The following VPS54 variants were observed in gnomAD, a reference collection of about 807,000 sequenced individuals.
VPS54 encodes the protein vacuolar protein sorting-associated protein 54.
In VPS54, 45 loss-of-function variants were observed where a neutral mutation model predicts 121.5. The observed-to-expected ratio is 0.37, with a 90% CI of 0.29 to 0.47. The LOEUF (loss-of-function observed/expected upper bound fraction) is 0.47. Among genes scored for constraint, VPS54 ranks in the 20% least tolerant of loss-of-function variants. The probability of loss-of-function intolerance (pLI) is 0.99; values close to 1 mark genes in which losing one functional copy is unlikely to be tolerated. For missense variants in VPS54, 1,090 were observed against 1,131.4 expected (o/e 0.96, Z 0.52); for synonymous variants, 371 against 385.8 (o/e 0.96, Z 0.45).
At chr2:63,963,024 CT>C (rs1338767298) in intron 6 of VPS54, among the ~76,000 whole-genome samples, 1 of 152,078 alleles carries the variant, frequency 6.6e-6, no homozygotes, top group Non-Finnish European at 1.5e-5. Context: ...ATATCTCTGA[CT>C]GAAAAACTGA....
intron 5 of VPS54, among the ~76,000 whole-genome samples, chr2:63,966,649 G>C (rs1415351978): frequency 6.6e-6 from 1 of 152,086 alleles, no homozygotes; most frequent in East Asian, 1.9e-4. Flanking sequence ...AAGTATAACT[G>C]TATTAACTTC....
Position 63,941,429 on chromosome 2 carries a change from G to C in VPS54, c.1398+1036C>G, listed in dbSNP as rs536521658. ...TTTTGTAGAGATGAGGTCTCATTAT[G>C]TTGCCCAAGCTGGTCTCAAACTCCT... On this transcript the variant is annotated intron_variant, in intron 11 of 22. Transcript: ENST00000272322. Among the ~76,000 whole-genome samples the C allele has an allele frequency of 2.5e-4, 38 of 152,186 alleles. No individual in the cohort carries two copies. In the Middle Eastern group the frequency reaches 0.01, roughly 41 times the overall value.
At chr2:63,978,710 C>T (rs969972203) in intron 3 of VPS54, among the ~76,000 whole-genome samples, 2 of 152,158 alleles carry the variant, frequency 1.3e-5, no homozygotes, top group Non-Finnish European at 2.9e-5. Context: ...ACCTCCACCT[C>T]CCAGGTTCAT....
At chr2:63,993,291 T>C (rs1038970279) in intron 1 of VPS54, among the ~76,000 whole-genome samples, 1 of 152,224 alleles carries the variant, frequency 6.6e-6, no homozygotes. Flanking sequence ...ACCTATGCAC[T>C]AACTTGTTTT....
chr2:64,008,138 C>T (rs955154230), intron 1 of VPS54, among the ~76,000 whole-genome samples: 5 of 152,022 alleles, frequency 3.3e-5, no homozygotes, highest in Non-Finnish European at 7.4e-5. Context: ...AGAGGCCGGG[C>T]GCAGTGGCTC....
chr2:64,013,155 C>A (rs1384985918), intron 1 of VPS54, among the ~76,000 whole-genome samples: 1 of 152,008 alleles, frequency 6.6e-6, no homozygotes, highest in African/African-American at 2.4e-5. Flanking sequence ...TCACCTTTAC[C>A]AAGTGATCAA....
At chr2:63,930,724 GTC>G (rs1674151997) in intron 12 of VPS54, among the ~76,000 whole-genome samples, 1 of 152,156 alleles carries the variant, frequency 6.6e-6, no homozygotes, top group African/African-American at 2.4e-5. Context: ...AAGTCAAATT[GTC>G]TCTGTTTGTA....
chr2:63,993,376 G>A (rs993238033), intron 1 of VPS54, among the ~76,000 whole-genome samples: 3 of 152,124 alleles, frequency 2.0e-5, no homozygotes, highest in African/African-American at 4.8e-5. Flanking sequence ...ACTGGAATTC[G>A]TAAAGAATTC....
At position 63,981,983 on chromosome 2, in the gene VPS54, C is replaced by G; in HGVS notation, c.137-96G>C. 6.9e-6 allele frequency: 9 copies of G among 1,298,420 alleles called. No individual in the cohort carries two copies. The South Asian group carries it at 1.4e-4, about 21-fold the overall frequency. The allele number at this position is 1,298,420 out of a possible 1,614,324, so 80.4% of individuals were successfully genotyped here. ...AAAACTAAAAATGCACAGATTCCAT[C>G]TTACGCAAACCAACTAATCTTCCAC... On this transcript the variant is annotated intron_variant, in intron 2 of 22. Coordinates refer to ENST00000272322, the MANE Select transcript of VPS54 (RefSeq NM_016516.3).
intron 5 of VPS54, among the ~76,000 whole-genome samples, chr2:63,967,982 A>T (rs1435030255): frequency 6.6e-6 from 1 of 152,142 alleles, no homozygotes; most frequent in Non-Finnish European, 1.5e-5. Context: ...ATCAAAAAAA[A>T]GTTTGGCTGA....
intron 11 of VPS54, among the ~76,000 whole-genome samples, chr2:63,935,712 A>G (rs62136400): frequency 0.074 from 11,333 of 152,180 alleles, 844 homozygotes; most frequent in African/African-American, 0.19. Context: ...TGTTTAGCTT[A>G]GAGATGAGAA....
intron 20 of VPS54, among the ~76,000 whole-genome samples, chr2:63,908,977 T>A (rs927140287): frequency 6.6e-6 from 1 of 152,220 alleles, no homozygotes; most frequent in Non-Finnish European, 1.5e-5. Context: ...CATGTTTGCT[T>A]ATGCTGTTAT....
chr2:64,001,459 A>C, intron 1 of VPS54, among the ~76,000 whole-genome samples: 1 of 152,096 alleles, frequency 6.6e-6, no homozygotes, highest in Non-Finnish European at 1.5e-5. Flanking sequence ...TAGCCACTAC[A>C]GCTGGGAATG....
chr2:63,997,188 G>A (rs1346436870), intron 1 of VPS54, among the ~76,000 whole-genome samples: 2 of 152,220 alleles, frequency 1.3e-5, no homozygotes, highest in African/African-American at 4.8e-5. Context: ...TCTTTGTTTG[G>A]TTTTGGTATC....
intron 1 of VPS54, among the ~76,000 whole-genome samples, chr2:64,016,545 T>C (rs539532951): frequency 6.6e-6 from 1 of 152,038 alleles, no homozygotes; most frequent in African/African-American, 2.4e-5. Context: ...ATGATGAAAA[T>C]GTTCTAAAAT....
At chr2:63,976,533 A>C (rs939980043) in intron 3 of VPS54, among the ~76,000 whole-genome samples, 1 of 151,962 alleles carries the variant, frequency 6.6e-6, no homozygotes, top group African/African-American at 2.4e-5. Context: ...TTCCTACTGA[A>C]ATGTTTGGTA....
At chr2:63,990,273 C>A (rs969380096) in intron 1 of VPS54, among the ~76,000 whole-genome samples, 1 of 151,948 alleles carries the variant, frequency 6.6e-6, no homozygotes, top group East Asian at 1.9e-4. Context: ...AACGTTACCC[C>A]CTGCTGACCT....
intron 12 of VPS54, among the ~76,000 whole-genome samples, chr2:63,924,460 C>T (rs1673801836): frequency 6.6e-6 from 1 of 152,004 alleles, no homozygotes; most frequent in Non-Finnish European, 1.5e-5. Flanking sequence ...TTGTAAAAGA[C>T]CAAGAAGAGT....
chr2:63,942,515 G>A lies in VPS54; in HGVS notation c.1348C>T (p.Leu450=). 6.3e-7 allele frequency: 1 copy of A among 1,598,666 alleles called. No homozygotes were observed. Among genetic ancestry groups the A allele is most frequent in the Non-Finnish European group, 8.5e-7 (1 of 1,171,538 alleles). The part of the protein sequence containing the change: ...RMLNFPQWFD[L]LKDIFSKFTI... ...AACTTAGAGAAAATATCCTTGAGCA[G>A]ATCAAACCACTGGGGAAAATTCAAC... The change falls in exon 11 of 23, where the codon CTG becomes TTG. Residue 450 remains leucine (L), a synonymous_variant. Transcript: ENST00000272322.
Sources: allele counts gnomAD v4.1 joint callset (sites outside exome capture counted in the v4.1 genomes callset), GRCh38; gene constraint gnomAD v4.1.1; transcripts MANE v1.5; gene names NCBI Gene and HGNC (gene_info 2026-07-23, HGNC 2026-07-21).